The following ABR variants were observed in gnomAD, a reference collection of about 807,000 sequenced individuals.
ABR encodes the protein ABR activator of RhoGEF and GTPase, also known as active breakpoint cluster region-related protein.
Under a neutral mutation model 107.2 loss-of-function variants are expected in ABR, and 35 were observed. The ratio of observed to expected loss-of-function variants is 0.33; its 90% CI spans 0.25 to 0.43. The LOEUF is 0.43. ABR is among the 20% of genes least tolerant of loss of function. The pLI, the probability that ABR is intolerant of heterozygous loss-of-function variation, is 1.00. For synonymous variants in ABR, 498 were observed against 462.0 expected (o/e 1.08, Z -1.00); for missense variants, 815 against 1,115.2 (o/e 0.73, Z 3.83).
At chr17:1,086,747 C>T (rs907597718) in intron 4 of ABR, among the ~76,000 whole-genome samples, 8 of 152,108 alleles carry the variant, frequency 5.3e-5, no homozygotes, top group Non-Finnish European at 1.0e-4. Flanking sequence ...GTGATCCACC[C>T]GCCTCCGCCT....
At position 1,150,169 on chromosome 17, in the gene ABR, G is replaced by A. The variant is rs2040735699; in HGVS notation, c.62-24802C>T. On this transcript the variant is annotated intron_variant, in intron 1 of 22. Coordinates refer to ENST00000302538, the MANE Select transcript of ABR (RefSeq NM_021962.5). The surrounding 1 kb of genome is among the most constrained non-coding windows in gnomAD (Gnocchi z 4.8). The stretch of plus-strand genomic sequence containing the variant: ...GCTGACACACTTCTCAAAGCGCTGA[G>A]ATTACAGACGTGAGCCACCGCGCCC... Among the ~76,000 whole-genome samples, 1 of 151,838 alleles carries A rather than the reference G, an allele frequency of 6.6e-6. No individual in the cohort carries two copies. The highest frequency in any genetic ancestry group is 1.5e-5 in the Non-Finnish European group (1 of 67,986).
intron 3 of ABR, among the ~76,000 whole-genome samples, chr17:1,098,406 G>A (rs769016329): frequency 3.3e-5 from 5 of 152,130 alleles, no homozygotes; most frequent in African/African-American, 4.8e-5. Context: ...CCCACAACAG[G>A]TGTAAGACAC....
intron 1 of ABR, among the ~76,000 whole-genome samples, chr17:1,168,951 G>A (rs2041611046): frequency 6.6e-6 from 1 of 152,232 alleles, no homozygotes; most frequent in Non-Finnish European, 1.5e-5. Context: ...CACGGGGTCT[G>A]CAAGACGCTT....
chr17:1,102,382 G>A (rs955679215), intron 2 of ABR, among the ~76,000 whole-genome samples: 4 of 152,142 alleles, frequency 2.6e-5, no homozygotes, highest in Non-Finnish European at 4.4e-5. Context: ...ATGGGGCCAC[G>A]AGCTAAGGAA....
Position 1,050,166 on chromosome 17 carries a change from G to A in ABR, c.1675C>T (p.Leu559=), listed in dbSNP as rs2032293760. 1 of 1,613,188 alleles carries A rather than the reference G, an allele frequency of 6.2e-7. No homozygotes were observed. The highest frequency in any genetic ancestry group is 8.5e-7 in the Non-Finnish European group (1 of 1,179,826). ...ATCCTCAGGGACTGGGAGCCCTCCAGCTCGATCTCAAACTCCTGGGGAAAG... is the reference window on the plus strand; with the variant it reads ...ATCCTCAGGGACTGGGAGCCCTCCAACTCGATCTCAAACTCCTGGGGAAAG... ...PKWDEEFEIE[L]EGSQSLRILC... The change falls in exon 16 of 23, where the codon CTG becomes TTG. Residue 559 remains leucine (L), a synonymous_variant. Transcript: ENST00000302538. This position sits in a 1 kb window ranked among gnomAD's most constrained non-coding sequence, Gnocchi z 4.6.
intron 14 of ABR, chr17:1,055,437 C>T (rs1040688919): frequency 3.3e-5 from 5 of 152,308 alleles, no homozygotes; most frequent in African/African-American, 1.2e-4. Context: ...CCCAAGGTCA[C>T]ACAGCTTGTC....
intron 3 of ABR, among the ~76,000 whole-genome samples, chr17:1,095,987 A>C (rs1344915586): frequency 3.3e-5 from 5 of 152,196 alleles, no homozygotes. Flanking sequence ...CAGCGGTGGG[A>C]GGGGCTCTGG....
intron 2 of ABR, 146 bp downstream of exon 2, chr17:1,125,037 C>A (rs775936586): frequency 7.2e-5 from 56 of 776,944 alleles, no homozygotes; most frequent in Non-Finnish European, 1.0e-4. Flanking sequence ...AGGGCCAGGA[C>A]GAGATGACGA....
chr17:1,185,654 T>G (rs868452200), intron 1 of ABR, among the ~76,000 whole-genome samples: 2 of 39,360 alleles, frequency 5.1e-5, no homozygotes, highest in East Asian at 7.8e-4. Context: ...CAGAAAGAAA[T>G]AAAAAAAAAA....
chr17:1,076,025 C>G (rs988449883), intron 6 of ABR, among the ~76,000 whole-genome samples: 2 of 152,174 alleles, frequency 1.3e-5, no homozygotes, highest in African/African-American at 2.4e-5. Flanking sequence ...CTGGGCGACA[C>G]AGTGAGTCTT....
At chr17:1,142,096 T>A (rs185646816) in intron 1 of ABR, among the ~76,000 whole-genome samples, 1 of 152,092 alleles carries the variant, frequency 6.6e-6, no homozygotes, top group East Asian at 1.9e-4. Context: ...GTTCCAATCT[T>A]CACTGCACAC....
chr17:1,015,274 G>A (rs111429582), intron 16 of ABR, among the ~76,000 whole-genome samples: 2,097 of 151,788 alleles, frequency 0.014, 22 homozygotes, highest in South Asian at 0.018. Context: ...AAAGTGAGCC[G>A]GGTGTGGTGG....
At chr17:1,018,630 G>A (rs911794849) in intron 16 of ABR, among the ~76,000 whole-genome samples, 9 of 152,280 alleles carry the variant, frequency 5.9e-5, no homozygotes, top group Non-Finnish European at 1.0e-4. Flanking sequence ...AGGATTTGGA[G>A]GCAGGCTGAT....
At chr17:1,205,865 C>G (rs1161703621) in intron 1 of ABR, among the ~76,000 whole-genome samples, 1 of 152,036 alleles carries the variant, frequency 6.6e-6, no homozygotes, top group Non-Finnish European at 1.5e-5. Context: ...ATCACTTGAA[C>G]CAGGAGGTGG....
intron 1 of ABR, among the ~76,000 whole-genome samples, chr17:1,201,522 A>T (rs2042670861): frequency 6.6e-6 from 1 of 152,060 alleles, no homozygotes. Context: ...GGAGGGTAAA[A>T]ACAAGACAAA....
chr17:1,039,501 T>A (rs933755285), intron 16 of ABR: 4 of 152,282 alleles, frequency 2.6e-5, no homozygotes, highest in African/African-American at 9.6e-5. Context: ...CAGTCTCTGC[T>A]GCCCACTCTC....
chr17:1,131,664 T>TC (rs587670332), intron 1 of ABR, among the ~76,000 whole-genome samples: 2 of 26 alleles, frequency 0.077, 1 homozygote. Context: ...CGCACACAGC[T>TC]CCCCCTTTGC....
At chr17:1,178,834 C>T (rs1279159104) in intron 1 of ABR, among the ~76,000 whole-genome samples, 2 of 124,436 alleles carry the variant, frequency 1.6e-5, no homozygotes, top group Non-Finnish European at 3.2e-5. Context: ...TTTCTAGCAA[C>T]GGAGCAGGAG....
chr17:1,023,562 G>A (rs78486228), intron 16 of ABR, among the ~76,000 whole-genome samples: 10,355 of 152,238 alleles, frequency 0.068, 912 homozygotes, highest in African/African-American at 0.2. Flanking sequence ...AAAGCAACAC[G>A]GAGGCCCTGT....
Sources: gnomAD v4.1 joint callset for allele counts (sites outside exome capture counted in the v4.1 genomes callset) on GRCh38, gnomAD v4.1.1 for gene constraint, Gnocchi (gnomAD v3.1) non-coding constraint, MANE v1.5 for transcripts, NCBI Gene and HGNC (gene_info 2026-07-23, HGNC 2026-07-21) for gene names.